CTNNA2: variants seen among roughly 807,000 people sequenced by gnomAD.
CTNNA2 encodes the protein catenin alpha 2, also known as catenin alpha-2.
In CTNNA2, 42 loss-of-function variants were observed where a neutral mutation model predicts 101.0. The ratio of observed to expected loss-of-function variants is 0.42; its 90% CI spans 0.32 to 0.54. The LOEUF is 0.54. Among genes scored for constraint, CTNNA2 ranks in the 20% least tolerant of loss-of-function variants. The pLI, the probability that CTNNA2 is intolerant of heterozygous loss-of-function variation, is 0.14. For missense variants in CTNNA2, 871 were observed against 1,223.1 expected, an observed-to-expected ratio of 0.71 and a Z score of 4.29; for synonymous variants, 450 against 456.4, an observed-to-expected ratio of 0.99 and a Z score of 0.18.
chr2:80,108,004 G>A (rs1204133457), intron 7 of CTNNA2, among the ~76,000 whole-genome samples: 6 of 152,162 alleles, frequency 3.9e-5, no homozygotes, highest in Admixed American at 6.5e-5. Flanking sequence ...TTCACCTAGC[G>A]GGCCCAGTGC....
intron 15 of CTNNA2, among the ~76,000 whole-genome samples, chr2:80,596,020 G>C (rs981950146): frequency 1.3e-5 from 2 of 151,992 alleles, no homozygotes; most frequent in Non-Finnish European, 2.9e-5. Context: ...CCATTTGTTT[G>C]TGTCCTCTCT....
intron 7 of CTNNA2, among the ~76,000 whole-genome samples, chr2:80,005,331 G>A (rs1693261447): frequency 6.6e-6 from 1 of 152,144 alleles, no homozygotes; most frequent in South Asian, 2.1e-4. Context: ...TGTCCTAAGG[G>A]TTAGGAGTGG....
At chr2:80,156,160 A>T (rs1703988231) in intron 7 of CTNNA2, among the ~76,000 whole-genome samples, 1 of 152,158 alleles carries the variant, frequency 6.6e-6, no homozygotes, top group African/African-American at 2.4e-5. Flanking sequence ...CTGGGGAGCC[A>T]TTCCTCTTGA....
At chr2:79,479,511 A>G (rs1280254553) in intron 4 of CTNNA2, among the ~76,000 whole-genome samples, 5 of 152,242 alleles carry the variant, frequency 3.3e-5, no homozygotes, top group Non-Finnish European at 7.3e-5. Flanking sequence ...ACTTGGATGT[A>G]GAATACTAGA....
chr2:79,922,782 C>T lies in CTNNA2; in HGVS notation c.1056+12985C>T, dbSNP rs146738255. On this transcript the variant is annotated intron_variant, in intron 7 of 18. Transcript: ENST00000402739. ...TCAATGAAACAAATGGTTAAGGACCCGCCCAAGGTCACATGTTTAGATACA... is the reference window on the plus strand; with the variant it reads ...TCAATGAAACAAATGGTTAAGGACCTGCCCAAGGTCACATGTTTAGATACA... Among the ~76,000 whole-genome samples, 17 of 152,048 alleles carry T rather than the reference C, an allele frequency of 1.1e-4. 1 individual carries two copies. In the East Asian group the frequency reaches 2.1e-3, roughly 19 times the overall value.
rs114683371 is a variant in CTNNA2, at chr2:79,687,122, G to A, written c.102+35464G>A. 1.6e-3 allele frequency among the ~76,000 whole-genome samples: 241 copies of A among 152,204 alleles called. 1 individual carries two copies. The highest frequency in any genetic ancestry group is 8.9e-3 in the South Asian group (43 of 4,826). ...GGACACATTCTGTGCTCATAGACAG[G>A]CTTATGTGGGAATGGGGAGGTTGCT... On this transcript the variant is annotated intron_variant, in intron 2 of 18. Transcript: ENST00000402739.
chr2:80,589,238 A>G (rs1247031539), intron 14 of CTNNA2, 66 bp from the exon 15 acceptor site: 2 of 1,515,762 alleles, frequency 1.3e-6, no homozygotes, highest in Non-Finnish European at 1.8e-6. Context: ...CGCAGAAGGC[A>G]GAGTCAACAT....
chr2:79,617,109 G>A (rs536733223), intron 1 of CTNNA2, among the ~76,000 whole-genome samples: 66 of 152,034 alleles, frequency 4.3e-4, no homozygotes, highest in African/African-American at 1.5e-3. Flanking sequence ...TCACCATGTT[G>A]GCCAGGCTAG....
intron 7 of CTNNA2, among the ~76,000 whole-genome samples, chr2:80,106,622 C>G (rs754806669): frequency 6.6e-6 from 1 of 152,106 alleles, no homozygotes; most frequent in Non-Finnish European, 1.5e-5. Context: ...GAGGTGGCCC[C>G]CAGACTGCAC....
At chr2:79,793,050 G>A (rs74852398) in intron 3 of CTNNA2, among the ~76,000 whole-genome samples, 2,942 of 152,228 alleles carry the variant, frequency 0.019, 86 homozygotes, top group African/African-American at 0.066. Flanking sequence ...ATTTTGGATG[G>A]TATGTATGTT....
intron 2 of CTNNA2, among the ~76,000 whole-genome samples, chr2:79,303,903 A>G (rs1676172061): frequency 6.6e-6 from 1 of 152,060 alleles, no homozygotes; most frequent in Non-Finnish European, 1.5e-5. Context: ...AGAGAGACTC[A>G]TGGATCAAAG....
rs534325024 is a variant in CTNNA2 at position 79,530,702 on chromosome 2, C to T, written c.-6+17495C>T. On this transcript the variant is annotated intron_variant, in intron 1 of 18. Transcript: ENST00000402739. ...CAGAGTAGCTTCAGTCAAGTGGTCA[C>T]CTCAGAAACCTGATAGTATTGAAGA... is the stretch of plus-strand genomic sequence containing the variant. Among the ~76,000 whole-genome samples, 7 of 152,162 alleles carry T rather than the reference C, an allele frequency of 4.6e-5. 1 individual carries two copies. In the South Asian group the frequency reaches 1.2e-3, roughly 27 times the overall value.
chr2:79,820,635 T>C (rs1677927040), intron 3 of CTNNA2, among the ~76,000 whole-genome samples: 1 of 152,204 alleles, frequency 6.6e-6, no homozygotes, highest in Non-Finnish European at 1.5e-5. Flanking sequence ...CATAATTTTA[T>C]TGAAAAGGGA....
intron 2 of CTNNA2, among the ~76,000 whole-genome samples, chr2:79,298,170 A>C (rs1284821649): frequency 6.6e-6 from 1 of 152,174 alleles, no homozygotes; most frequent in Admixed American, 6.5e-5. Flanking sequence ...GTTTCTGGTA[A>C]GGATCTCAGG....
intron 6 of CTNNA2, among the ~76,000 whole-genome samples, chr2:79,890,321 G>A (rs1486800001): frequency 6.6e-6 from 1 of 152,172 alleles, no homozygotes; most frequent in African/African-American, 2.4e-5. Flanking sequence ...AAAAGATGCT[G>A]CCAAATAATC....
In CTNNA2 at chr2:80,302,935, G is replaced by A; in HGVS notation, c.1057-90276G>A. 1 of 1,614,014 alleles carries A rather than the reference G, an allele frequency of 6.2e-7. No individual in the cohort carries two copies. Among genetic ancestry groups the A allele is most frequent in the Non-Finnish European group, 8.5e-7 (1 of 1,180,018 alleles). ...TCCAAGAGTTGAGGATCCGGGGCTC[G>A]ATGTAGGTGAGGCGGTTGGAGTCCA... On this transcript the variant is annotated intron_variant, in intron 7 of 18. Coordinates refer to ENST00000402739, the MANE Select transcript of CTNNA2 (RefSeq NM_001282597.3). This position sits in a 1 kb window ranked among gnomAD's most constrained non-coding sequence, Gnocchi z 6.4.
chr2:80,088,874 C>G (rs1699605874), intron 7 of CTNNA2, among the ~76,000 whole-genome samples: 1 of 152,000 alleles, frequency 6.6e-6, no homozygotes, highest in Admixed American at 6.6e-5. Context: ...TACAGCTCTT[C>G]TGTTAGTGTT....
chr2:80,492,137 G>C (rs1364759384), intron 9 of CTNNA2, among the ~76,000 whole-genome samples: 2 of 152,144 alleles, frequency 1.3e-5, no homozygotes, highest in Non-Finnish European at 2.9e-5. Context: ...GGATCATGGG[G>C]GTGGATTTCA....
intron 3 of CTNNA2, among the ~76,000 whole-genome samples, chr2:79,845,001 C>CACACACACACACACACAT (rs1246917027): frequency 6.6e-6 from 1 of 150,806 alleles, no homozygotes; most frequent in Admixed American, 6.6e-5. Context: ...CACACACACA[C>CACACACACACACACACAT]ATATATTTGT....
Sources: gnomAD v4.1 joint callset for allele counts (sites outside exome capture counted in the v4.1 genomes callset) on GRCh38, gnomAD v4.1.1 for gene constraint, Gnocchi (gnomAD v3.1) non-coding constraint, MANE v1.5 for transcripts, NCBI Gene and HGNC (gene_info 2026-07-23, HGNC 2026-07-21) for gene names.